Variants in KHDC1 observed in about 807,000 individuals in gnomAD.
KHDC1 encodes KH domain containing 1.
KHDC1 carries 21 observed loss-of-function variants against 24.7 expected under a neutral mutation model. The ratio of observed to expected loss-of-function variants is 0.85; its 90% CI spans 0.60 to 1.23. KHDC1 has a LOEUF of 1.23. Ranked by LOEUF, KHDC1 falls within the 50% of genes most tolerant of loss-of-function variation. KHDC1 has a pLI of 0.00. For synonymous variants in KHDC1, 98 were observed against 111.7 expected, an observed-to-expected ratio of 0.88 and a Z score of 0.77; for missense variants, 274 against 298.5, an observed-to-expected ratio of 0.92 and a Z score of 0.61.
At chr6:73,247,728 G>A (rs530133307) in intron 2 of KHDC1, among the ~76,000 whole-genome samples, 1 of 151,898 alleles carries the variant, frequency 6.6e-6, no homozygotes. Flanking sequence ...ATAGTGGCAC[G>A]CATCTGTAAT....
chr6:73,269,161 C>G (rs532778876), intron 2 of KHDC1: 4 of 153,574 alleles, frequency 2.6e-5, no homozygotes, highest in African/African-American at 9.6e-5. Context: ...CGGCCGGCTG[C>G]TCCGAGTATG....
intron 2 of KHDC1, among the ~76,000 whole-genome samples, chr6:73,277,182 G>A (rs889453748): frequency 2.6e-5 from 4 of 152,098 alleles, no homozygotes; most frequent in African/African-American, 9.7e-5. Context: ...AAAAGAACAA[G>A]TCTGGTCGGG....
intron 1 of KHDC1, among the ~76,000 whole-genome samples, chr6:73,297,870 C>A (rs1767783998): frequency 6.6e-6 from 1 of 152,036 alleles, no homozygotes; most frequent in Non-Finnish European, 1.5e-5. Flanking sequence ...GTTTAATTTT[C>A]CAAATGTTGG....
At chr6:73,297,565 T>C (rs555367597) in intron 1 of KHDC1, among the ~76,000 whole-genome samples, 2 of 152,268 alleles carry the variant, frequency 1.3e-5, no homozygotes, top group South Asian at 2.1e-4. Flanking sequence ...ACCTTTCCAA[T>C]TGATAAGGTA....
At chr6:73,300,555 C>T (rs1210555935) in intron 1 of KHDC1, 1 of 152,154 alleles carries the variant, frequency 6.6e-6, no homozygotes, top group African/African-American at 2.4e-5. Flanking sequence ...CTATGAACTC[C>T]TAAGGACTCC....
chr6:73,294,028 A>C (rs568877860), intron 1 of KHDC1, among the ~76,000 whole-genome samples: 33 of 150,982 alleles, frequency 2.2e-4, no homozygotes, highest in Admixed American at 8.6e-4. Context: ...ACAAAAAAAA[A>C]CCACCAGCCA....
At position 73,252,825 on chromosome 6, in the gene KHDC1, A is replaced by C. The variant is rs555071493; in HGVS notation, c.207-10295T>G. Among the ~76,000 whole-genome samples the C allele has an allele frequency of 6.6e-5, 10 of 152,220 alleles. No homozygotes were observed. In the South Asian group the frequency reaches 1.9e-3, roughly 28 times the overall value. ...GAGTGAGACTCTACCTCAAAAAAAA[A>C]AAAAAATTATCCACTCATCAAATGC... On this transcript the variant is annotated intron_variant, in intron 2 of 4. Coordinates refer to ENST00000370384, the Ensembl canonical transcript of KHDC1.
intron 1 of KHDC1, among the ~76,000 whole-genome samples, chr6:73,308,070 AT>A (rs35521120): frequency 0.057 from 6,359 of 111,916 alleles, 329 homozygotes; most frequent in African/African-American, 0.15. Context: ...GGCCCAGCTA[AT>A]TTTTTTTTTT....
At chr6:73,265,650 C>T (rs1767068814) in intron 2 of KHDC1, among the ~76,000 whole-genome samples, 1 of 151,298 alleles carries the variant, frequency 6.6e-6, no homozygotes, top group Admixed American at 6.6e-5. Context: ...TTTTCAGGTT[C>T]TCTTGTCTTT....
intron 2 of KHDC1, among the ~76,000 whole-genome samples, chr6:73,289,827 G>T (rs1343067643): frequency 1.3e-5 from 2 of 151,192 alleles, no homozygotes; most frequent in Admixed American, 1.3e-4. Flanking sequence ...GCGGCCGGGC[G>T]CGGTGGCTCA....
At chr6:73,280,150 T>C (rs138406392) in intron 2 of KHDC1, among the ~76,000 whole-genome samples, 3 of 152,210 alleles carry the variant, frequency 2.0e-5, no homozygotes, top group African/African-American at 4.8e-5. Flanking sequence ...AGATTAAATA[T>C]ATCCTTTTTT....
rs371388591 is a variant in KHDC1, at chr6:73,241,571, C to T, written c.672G>A (p.Val224=). 2.6e-4 allele frequency: 421 copies of T among 1,614,140 alleles called. 2 individuals carry two copies. The highest frequency in any genetic ancestry group is 2.1e-3 in the Middle Eastern group (13 of 6,052). Residue 224 remains valine, a synonymous_variant, in exon 5 of 5, where the codon GTG becomes GTA. Coordinates refer to ENST00000370384, the Ensembl canonical transcript of KHDC1. ...TCAAATGGAAACCCGAACAACCAAT[C>T]ACTTGGTAAGGGGAAGGCTGAGGAA...
chr6:73,282,871 G>A (rs562270), intron 2 of KHDC1, among the ~76,000 whole-genome samples: 141,778 of 152,260 alleles, frequency 0.93, 66,849 homozygotes, highest in East Asian at 1. Flanking sequence ...TGATCCCCGA[G>A]TGCTCCAGGA....
At position 73,263,368 on chromosome 6, in the gene KHDC1, A is replaced by T. The variant is rs769919368; in HGVS notation, c.207-20838T>A. 6 of 815,040 alleles carry T rather than the reference A, an allele frequency of 7.4e-6. No homozygotes were observed. In the East Asian group the frequency reaches 7.5e-4, roughly 102 times the overall value. The allele number at this position is 815,040 out of a possible 1,614,324, so 50.5% of individuals were successfully genotyped here. On this transcript the variant is annotated intron_variant, in intron 2 of 4. Coordinates refer to ENST00000370384, the Ensembl canonical transcript of KHDC1. ...TGGGAGGAGGGACGAGCCAGTGGCA[A>T]TGACCCAGACCCGGACGACCCCCAT... is the stretch of plus-strand genomic sequence containing the variant.
chr6:73,253,617 G>A (rs1766823950), intron 2 of KHDC1, among the ~76,000 whole-genome samples: 1 of 151,600 alleles, frequency 6.6e-6, no homozygotes, highest in Non-Finnish European at 1.5e-5. Context: ...ATCCATTTGA[G>A]GCCAGGTGCA....
rs1379261366 is a variant in KHDC1 at position 73,254,753 on chromosome 6, G to A, written c.207-12223C>T. On this transcript the variant is annotated intron_variant, in intron 2 of 4. Coordinates refer to ENST00000370384, the Ensembl canonical transcript of KHDC1. The stretch of plus-strand genomic sequence containing the variant: ...AGCGGTGGCTCATGCCTGTAATCCC[G>A]GCACTTTGGGAGGCCGAGGTGGGCG... Among the ~76,000 whole-genome samples the A allele has an allele frequency of 4.0e-5, 6 of 151,808 alleles. No individual in the cohort carries two copies. In the South Asian group the frequency reaches 1.0e-3, roughly 26 times the overall value.
chr6:73,301,489 T>G (rs1050718275), intron 1 of KHDC1: 2 of 152,176 alleles, frequency 1.3e-5, no homozygotes, highest in African/African-American at 4.8e-5. Context: ...CGGAATTGTG[T>G]ATGCAGTATG....
chr6:73,254,056 T>TA (rs1562246892), intron 2 of KHDC1, among the ~76,000 whole-genome samples: 1 of 152,014 alleles, frequency 6.6e-6, no homozygotes, highest in African/African-American at 2.4e-5. Flanking sequence ...CATTTAAATG[T>TA]AAAAAAGAAA....
At chr6:73,310,082 C>T in exon 1 of KHDC1, 1 of 224,544 alleles carries the variant, frequency 4.5e-6, no homozygotes, top group Non-Finnish European at 8.8e-6. Flanking sequence ...GACCAAACGA[C>T]AAGAACCGGA....
Sources: allele counts gnomAD v4.1 joint callset (sites outside exome capture counted in the v4.1 genomes callset), GRCh38; gene constraint gnomAD v4.1.1; transcripts MANE v1.5; gene names NCBI Gene and HGNC (gene_info 2026-07-23, HGNC 2026-07-21).